PARD3: variants seen among roughly 807,000 people sequenced by gnomAD.
The protein encoded by PARD3 is partitioning defective 3 homolog.
PARD3 carries 75 observed loss-of-function variants against 155.4 expected under a neutral mutation model. That is an observed-to-expected ratio of 0.48 (90% CI 0.40 to 0.58). PARD3 has a LOEUF of 0.58. Among genes scored for constraint, PARD3 ranks in the 20% least tolerant of loss-of-function variants. The pLI is 0.00. For missense variants in PARD3, 1,642 were observed against 1,721.7 expected, an observed-to-expected ratio of 0.95 and a Z score of 0.82; for synonymous variants, 576 against 610.5, an observed-to-expected ratio of 0.94 and a Z score of 0.83.
chr10:34,301,111 C>A (rs999933778), intron 20 of PARD3, among the ~76,000 whole-genome samples: 4 of 152,050 alleles, frequency 2.6e-5, no homozygotes, highest in Admixed American at 6.6e-5. Context: ...CACAGTGCCA[C>A]GAAAAAAGCT....
At chr10:34,197,350 G>A (rs935972802) in intron 22 of PARD3, among the ~76,000 whole-genome samples, 4 of 152,050 alleles carry the variant, frequency 2.6e-5, no homozygotes, top group African/African-American at 7.2e-5. Flanking sequence ...ACCTTCCCCC[G>A]ACTGGTTTTT....
At chr10:34,345,271 G>A (rs535536528) in intron 15 of PARD3, 6 of 985,338 alleles carry the variant, frequency 6.1e-6, no homozygotes, top group Admixed American at 1.2e-4. Context: ...CTTTTGGGGT[G>A]TATCTTTTAA....
chr10:34,354,118 CCTGT>C (rs978643621), intron 14 of PARD3, among the ~76,000 whole-genome samples: 54 of 150,612 alleles, frequency 3.6e-4, no homozygotes, highest in Admixed American at 9.3e-4. Flanking sequence ...ACTAACAAGA[CCTGT>C]CTTTCTTCAA....
rs2093641930 is a variant in PARD3, at chr10:34,673,325, T to C, written c.222+22993A>G. 2.6e-5 allele frequency among the ~76,000 whole-genome samples: 4 copies of C among 152,230 alleles called. No homozygotes were observed. In the South Asian group the frequency reaches 8.3e-4, roughly 31 times the overall value. On this transcript the variant is annotated intron_variant, in intron 2 of 24. Transcript: ENST00000374788. The stretch of plus-strand genomic sequence containing the variant: ...AACTTAAGGTGTTTTTTGTTTTTCA[T>C]TTTAAACTAATATCTTGAGTACTGT...
intron 22 of PARD3, among the ~76,000 whole-genome samples, chr10:34,159,251 A>T (rs1175336887): frequency 6.6e-6 from 1 of 152,140 alleles, no homozygotes; most frequent in Non-Finnish European, 1.5e-5. Flanking sequence ...GACCTGGAGG[A>T]GGTTATACGT....
intron 22 of PARD3, among the ~76,000 whole-genome samples, chr10:34,221,228 G>T (rs1257972379): frequency 6.6e-6 from 1 of 152,144 alleles, no homozygotes; most frequent in Non-Finnish European, 1.5e-5. Flanking sequence ...AGGCCATCCG[G>T]TGATGTGCAT....
intron 11 of PARD3, 46 bp from the exon 12 acceptor site, chr10:34,372,582 T>C: frequency 7.6e-7 from 1 of 1,318,582 alleles, no homozygotes; most frequent in Non-Finnish European, 1.1e-6. Context: ...ACCAAAGCCA[T>C]CTTCAACACA....
intron 2 of PARD3, among the ~76,000 whole-genome samples, chr10:34,686,834 A>G (rs1248512809): frequency 1.3e-5 from 2 of 152,054 alleles, no homozygotes; most frequent in Non-Finnish European, 2.9e-5. Flanking sequence ...GGATCAGTTG[A>G]GGTCAAGAGT....
chr10:34,597,274 C>T (rs142691148), intron 2 of PARD3, among the ~76,000 whole-genome samples: 1,563 of 151,548 alleles, frequency 0.01, 12 homozygotes, highest in Non-Finnish European at 0.016. Flanking sequence ...ATAATTTTAG[C>T]GCTTTTTTTT....
At position 34,434,174 on chromosome 10, in the gene PARD3, C is replaced by A. The variant is rs1190416362; in HGVS notation, c.714+16143G>T. ...CAGCATGTTCAAAGACCCAGAGATGCAAGAACAGGGTAGATCTGGAGACTA... is the reference window on the plus strand; with the variant it reads ...CAGCATGTTCAAAGACCCAGAGATGAAAGAACAGGGTAGATCTGGAGACTA... On this transcript the variant is annotated intron_variant, in intron 5 of 24. Coordinates refer to ENST00000374788, the MANE Select transcript of PARD3 (RefSeq NM_001184785.2). 2.6e-5 allele frequency among the ~76,000 whole-genome samples: 4 copies of A among 152,078 alleles called. No individual in the cohort carries two copies. In the East Asian group the frequency reaches 7.7e-4, roughly 29 times the overall value.
At chr10:34,178,040 C>T (rs1244615330) in intron 22 of PARD3, among the ~76,000 whole-genome samples, 1 of 152,162 alleles carries the variant, frequency 6.6e-6, no homozygotes, top group African/African-American at 2.4e-5. Flanking sequence ...GGATTTTCTA[C>T]TGAACTTAGC....
chr10:34,749,832 G>A (rs1030459814), intron 1 of PARD3, among the ~76,000 whole-genome samples: 7 of 152,082 alleles, frequency 4.6e-5, no homozygotes, highest in East Asian at 1.9e-4. Flanking sequence ...ACCAGCCTGC[G>A]CAACATGGTG....
chr10:34,722,275 T>C (rs1294824669), intron 1 of PARD3, among the ~76,000 whole-genome samples: 1 of 152,126 alleles, frequency 6.6e-6, no homozygotes, highest in Non-Finnish European at 1.5e-5. Flanking sequence ...TGTTTATCTA[T>C]GTATATATAG....
At chr10:34,708,931 A>T (rs1008510333) in intron 1 of PARD3, among the ~76,000 whole-genome samples, 2 of 152,186 alleles carry the variant, frequency 1.3e-5, no homozygotes, top group African/African-American at 4.8e-5. Context: ...TGGATATTTA[A>T]GGAAACACCC....
At chr10:34,174,537 C>T (rs187562292) in intron 22 of PARD3, among the ~76,000 whole-genome samples, 14 of 152,150 alleles carry the variant, frequency 9.2e-5, no homozygotes, top group African/African-American at 3.1e-4. Context: ...GTCCTGAAAC[C>T]CTGGTGCTTA....
rs151011808 is a variant in PARD3 at position 34,213,374 on chromosome 10, A to T, written c.3419+56283T>A. Among the ~76,000 whole-genome samples, 40 of 152,284 alleles carry T rather than the reference A, an allele frequency of 2.6e-4. 2 individuals are homozygous for T. In the East Asian group the frequency reaches 7.5e-3, roughly 29 times the overall value. The stretch of plus-strand genomic sequence containing the variant: ...GGAGGGCATTAATCTATTCATGAGG[A>T]TCTGCCTCAGTGACCCAAGCACGCC... On this transcript the variant is annotated intron_variant, in intron 22 of 24. Coordinates refer to ENST00000374788, the MANE Select transcript of PARD3 (RefSeq NM_001184785.2).
intron 2 of PARD3, among the ~76,000 whole-genome samples, chr10:34,534,159 G>T (rs919404999): frequency 6.6e-6 from 1 of 151,638 alleles, no homozygotes; most frequent in Non-Finnish European, 1.5e-5. Flanking sequence ...CCAGCTACTC[G>T]GGAGGCTGAG....
intron 2 of PARD3, among the ~76,000 whole-genome samples, chr10:34,571,017 A>C (rs1265772280): frequency 6.6e-6 from 1 of 152,186 alleles, no homozygotes; most frequent in African/African-American, 2.4e-5. Context: ...GGTCCTATCT[A>C]CAGAAATGTT....
At chr10:34,253,102 T>C (rs1273282932) in intron 22 of PARD3, among the ~76,000 whole-genome samples, 2 of 152,220 alleles carry the variant, frequency 1.3e-5, no homozygotes, top group Admixed American at 6.5e-5. Context: ...GAGTAGGTTT[T>C]AGATTTGTCT....
Sources: allele counts gnomAD v4.1 joint callset (sites outside exome capture counted in the v4.1 genomes callset), GRCh38; gene constraint gnomAD v4.1.1; transcripts MANE v1.5; gene names NCBI Gene and HGNC (gene_info 2026-07-23, HGNC 2026-07-21).